The following SLC35F3 variants were observed in gnomAD, a reference collection of about 807,000 sequenced individuals.
SLC35F3 encodes solute carrier family 35 member F3.
Under a neutral mutation model 49.9 loss-of-function variants are expected in SLC35F3, and 25 were observed. The observed-to-expected ratio is 0.50, with a 90% CI of 0.37 to 0.70. The LOEUF (loss-of-function observed/expected upper bound fraction) is 0.70. SLC35F3 is among the 30% of genes least tolerant of loss of function. The pLI is 0.00. For synonymous variants in SLC35F3, 275 were observed against 265.4 expected (o/e 1.04, Z -0.35); for missense variants, 525 against 639.8 (o/e 0.82, Z 1.94).
Position 234,314,333 on chromosome 1 carries a change from T to G in SLC35F3, c.829-2269T>G, listed in dbSNP as rs192832698. Among the ~76,000 whole-genome samples, 25 of 152,306 alleles carry G rather than the reference T, an allele frequency of 1.6e-4. 1 individual carries two copies. The East Asian group carries it at 4.4e-3, about 27-fold the overall frequency. On this transcript the variant is annotated intron_variant, in intron 4 of 7. Transcript: ENST00000366618. ...GCAGAAGCTTTTAGCTGTTTATTAT[T>G]TAATCAATAGAGAACAGAGGAAGAG...
chr1:234,276,263 G>T (rs116748907), intron 3 of SLC35F3, among the ~76,000 whole-genome samples: 2 of 151,958 alleles, frequency 1.3e-5, no homozygotes, highest in Admixed American at 6.5e-5. Flanking sequence ...GTATATTTCC[G>T]GTCCTCCAAC....
intron 2 of SLC35F3, among the ~76,000 whole-genome samples, chr1:234,001,389 A>G (rs1226606529): frequency 3.3e-5 from 5 of 152,222 alleles, no homozygotes; most frequent in African/African-American, 1.2e-4. Flanking sequence ...GTTGCTGTTC[A>G]TTTACTCATA....
chr1:234,006,987 T>A (rs1023525617), intron 2 of SLC35F3, among the ~76,000 whole-genome samples: 5 of 152,166 alleles, frequency 3.3e-5, no homozygotes, highest in Admixed American at 3.3e-4. Context: ...TTCAGCTTTG[T>A]AGCCATTTTT....
intron 2 of SLC35F3, among the ~76,000 whole-genome samples, chr1:233,951,607 G>A (rs147620800): frequency 4.5e-4 from 69 of 152,260 alleles, no homozygotes; most frequent in African/African-American, 1.5e-3. Flanking sequence ...GAATGGGGGT[G>A]CACCAGCAGG....
At chr1:234,103,387 C>G (rs1345514894) in intron 2 of SLC35F3, among the ~76,000 whole-genome samples, 1 of 152,112 alleles carries the variant, frequency 6.6e-6, no homozygotes, top group African/African-American at 2.4e-5. Context: ...GCCAAGGGTC[C>G]CAGGGTGGGT....
chr1:234,238,588 T>C (rs1667510194), intron 3 of SLC35F3, among the ~76,000 whole-genome samples: 1 of 152,132 alleles, frequency 6.6e-6, no homozygotes, highest in Non-Finnish European at 1.5e-5. Context: ...ATTCATAGAT[T>C]AGCTCATTTA....
At chr1:234,315,911 G>C (rs560069857) in intron 4 of SLC35F3, among the ~76,000 whole-genome samples, 1 of 152,164 alleles carries the variant, frequency 6.6e-6, no homozygotes, top group Non-Finnish European at 1.5e-5. Flanking sequence ...CTTTCCATGA[G>C]AGTAATATGT....
At chr1:233,963,406 T>C (rs1662839351) in intron 2 of SLC35F3, among the ~76,000 whole-genome samples, 1 of 152,044 alleles carries the variant, frequency 6.6e-6, no homozygotes, top group Non-Finnish European at 1.5e-5. Flanking sequence ...GTTCACGCCA[T>C]TCTTCTGCCT....
chr1:234,322,650 C>CGTGTGTGT (rs55827503), intron 7 of SLC35F3, among the ~76,000 whole-genome samples: 5,448 of 144,900 alleles, frequency 0.038, 103 homozygotes, highest in African/African-American at 0.063. Context: ...GGGTCAAATG[C>CGTGTGTGT]GTGTGTGTGT....
Position 234,231,777 on chromosome 1 carries a change from C to G in SLC35F3, c.608+36C>G, listed in dbSNP as rs967255443. The G allele has an allele frequency of 8.3e-6, 13 of 1,559,336 alleles. No homozygotes were observed. The highest frequency in any genetic ancestry group is 7.0e-5 in the Admixed American group (4 of 57,450). On this transcript the variant is annotated intron_variant, in intron 3 of 7. Transcript: ENST00000366618. This position sits in a 1 kb window ranked among gnomAD's most constrained non-coding sequence, Gnocchi z 5.4. Reference sequence around the variant, plus strand: ...CCTGCATGAGGAGGCCTCCTGACCCCGGGCTGCTCCATCCAGCGCTGACTC... The same window carrying G: ...CCTGCATGAGGAGGCCTCCTGACCCGGGGCTGCTCCATCCAGCGCTGACTC...
At position 234,040,460 on chromosome 1, in the gene SLC35F3, C is replaced by T. The variant is rs542469484; in HGVS notation, c.283+134702C>T. Among the ~76,000 whole-genome samples the T allele has an allele frequency of 4.6e-5, 7 of 152,340 alleles. No individual in the cohort carries two copies. In the South Asian group the frequency reaches 1.2e-3, roughly 27 times the overall value. On this transcript the variant is annotated intron_variant, in intron 2 of 7. Coordinates refer to ENST00000366618, the MANE Select transcript of SLC35F3 (RefSeq NM_173508.4). ...GCTTTTTGACTTGAAGGCCGGGCTT[C>T]ACCAGGGACCCGCCCCTGTCTGCCT...
At chr1:234,086,680 A>G (rs1057457118) in intron 2 of SLC35F3, among the ~76,000 whole-genome samples, 1 of 152,182 alleles carries the variant, frequency 6.6e-6, no homozygotes, top group Non-Finnish European at 1.5e-5. Flanking sequence ...TTAAAGATTT[A>G]TTTGGCTGAA....
At chr1:234,216,479 T>C (rs1218326099) in intron 2 of SLC35F3, among the ~76,000 whole-genome samples, 1 of 152,156 alleles carries the variant, frequency 6.6e-6, no homozygotes, top group Non-Finnish European at 1.5e-5. Flanking sequence ...GGAGGTTGCC[T>C]TCAGGGAATG....
At chr1:233,917,027 T>TA (rs1222994984) in intron 2 of SLC35F3, among the ~76,000 whole-genome samples, 2 of 152,218 alleles carry the variant, frequency 1.3e-5, no homozygotes, top group African/African-American at 4.8e-5. Flanking sequence ...GCAAATGTAT[T>TA]AGCTCCTCAG....
chr1:234,079,621 T>C (rs188949302), intron 2 of SLC35F3, among the ~76,000 whole-genome samples: 1 of 152,298 alleles, frequency 6.6e-6, no homozygotes, highest in East Asian at 1.9e-4. Context: ...CTCAAGAAGA[T>C]ACACAAATGA....
chr1:234,279,159 T>C (rs1388322046), intron 3 of SLC35F3, among the ~76,000 whole-genome samples: 1 of 152,130 alleles, frequency 6.6e-6, no homozygotes, highest in Non-Finnish European at 1.5e-5. Flanking sequence ...GCAGGACAAC[T>C]GTAAGTGGGG....
At chr1:234,253,677 G>A (rs753589434) in intron 3 of SLC35F3, among the ~76,000 whole-genome samples, 22 of 152,106 alleles carry the variant, frequency 1.4e-4, no homozygotes, top group Non-Finnish European at 2.6e-4. Flanking sequence ...AGAACCAAGA[G>A]CGTCAGTATG....
At chr1:234,023,781 G>T (rs1177482589) in intron 2 of SLC35F3, among the ~76,000 whole-genome samples, 1 of 151,490 alleles carries the variant, frequency 6.6e-6, no homozygotes, top group African/African-American at 2.4e-5. Context: ...TACCTCCATG[G>T]TCTTCTTCCC....
intron 2 of SLC35F3, among the ~76,000 whole-genome samples, chr1:234,172,665 C>G (rs1413907465): frequency 6.6e-6 from 1 of 152,192 alleles, no homozygotes; most frequent in Non-Finnish European, 1.5e-5. Flanking sequence ...CTACTATACA[C>G]CTAGGCTATA....
Sources: allele counts gnomAD v4.1 joint callset (sites outside exome capture counted in the v4.1 genomes callset), GRCh38; gene constraint gnomAD v4.1.1; non-coding constraint Gnocchi (gnomAD v3.1); transcripts MANE v1.5; gene names NCBI Gene and HGNC (gene_info 2026-07-23, HGNC 2026-07-21).